Variants in AAMP observed in about 807,000 individuals in gnomAD.
AAMP encodes the protein angio-associated migratory cell protein.
In AAMP, 12 loss-of-function variants were observed where a neutral mutation model predicts 51.1. The observed-to-expected ratio is 0.23, with a 90% CI of 0.15 to 0.38. The LOEUF is 0.38. Among genes scored for constraint, AAMP ranks in the 10% least tolerant of loss-of-function variants. The pLI is 1.00. For synonymous variants in AAMP, 210 were observed against 218.7 expected (o/e 0.96, Z 0.35); for missense variants, 418 against 557.2 (o/e 0.75, Z 2.52).
rs143513606 is a variant in AAMP, at chr2:218,267,512, G to C, written c.376C>G (p.Leu126Val). 5 of 1,614,112 alleles carry C rather than the reference G, an allele frequency of 3.1e-6. No individual in the cohort carries two copies. The highest frequency in any genetic ancestry group is 3.3e-5 in the Admixed American group (2 of 60,024). The change falls in exon 3 of 11, where the codon CTG becomes GTG. Residue 126 changes from leucine (L) to valine (V), a missense_variant. By Grantham distance (32) the Leu-to-Val change is conservative. Coordinates refer to ENST00000248450, the MANE Select transcript of AAMP (RefSeq NM_001087.5). The surrounding 1 kb of genome is among the most constrained non-coding windows in gnomAD (Gnocchi z 4.6). Reference protein sequence around the residue: ...AFVWRLSDGELLFECAGHKDS... With the variant: ...AFVWRLSDGEVLFECAGHKDS... ...CCCTCACCTGCACACTCAAAGAGCA[G>C]CTCCCCATCGCTGAGCCGCCATACG...
rs1690566277 is a variant in AAMP, at chr2:218,264,374, G to C, written c.*159C>G. The C allele has an allele frequency of 1.4e-6, 1 of 720,194 alleles. No individual in the cohort carries two copies. The highest frequency in any genetic ancestry group is 2.4e-6 in the Non-Finnish European group (1 of 417,350). The allele number at this position is 720,194 out of a possible 1,614,324, so 44.6% of individuals were successfully genotyped here. On this transcript the variant is annotated 3_prime_UTR_variant, in exon 11 of 11. Coordinates refer to ENST00000248450, the MANE Select transcript of AAMP (RefSeq NM_001087.5). ...GGGCCCTGGGCTGGGTCTCTAAAGA[G>C]AAGAAAAGGAGAGGGGAGCAAGTCA...
intron 1 of AAMP, 108 bp from the exon 2 acceptor site, chr2:218,269,642 G>C (rs942977154): frequency 3.7e-5 from 59 of 1,573,752 alleles, no homozygotes; most frequent in Non-Finnish European, 4.9e-5. Context: ...GAGAAGGGAA[G>C]GTGGAGTCAG....
chr2:218,265,197 C>T lies in AAMP; in HGVS notation c.1075-23G>A. 1 of 1,571,990 alleles carries T rather than the reference C, an allele frequency of 6.4e-7. No homozygotes were observed. The highest frequency in any genetic ancestry group is 8.6e-7 in the Non-Finnish European group (1 of 1,158,970). On this transcript the variant is annotated intron_variant, in intron 9 of 10. Transcript: ENST00000248450. The surrounding 1 kb of genome is among the most constrained non-coding windows in gnomAD (Gnocchi z 6.6). ...CGACTGCCCCGAGGAATGACAGAGG[C>T]AGGGCGGAGGTTGGCAGGAGAGCTG...
chr2:218,265,631 C>G lies in AAMP; in HGVS notation c.931G>C (p.Glu311Gln). Residue 311 changes from glutamate to glutamine, a missense_variant, in exon 8 of 11, where the codon GAA (glutamate) becomes CAA (glutamine). Glu to Gln is a conservative substitution (Grantham distance 29, BLOSUM62 2). Transcript: ENST00000248450. This position sits in a 1 kb window ranked among gnomAD's most constrained non-coding sequence, Gnocchi z 6.6. ...GAGTTGGACTCACTCTCCTCCCCTT[C>G]TCCCAGGCTGGGCTGGGAGGCCACA... ...ETVASQPSLG[E>Q]GEESESNSVE... 6.2e-7 allele frequency: 1 copy of G among 1,613,908 alleles called. No homozygotes were observed. The highest frequency in any genetic ancestry group is 1.1e-5 in the South Asian group (1 of 91,078).
Position 218,265,377 on chromosome 2 carries a change from C to A in AAMP, c.1068G>T (p.Gln356His). 6.4e-7 allele frequency: 1 copy of A among 1,558,210 alleles called. No individual in the cohort carries two copies. Among genetic ancestry groups the A allele is most frequent in the East Asian group, 2.4e-5 (1 of 41,834 alleles). Residue 356 changes from glutamine (Q) to histidine (H), a missense_variant, in exon 9 of 11, where the codon CAG becomes CAT. Gln to His is a conservative substitution (Grantham distance 24, BLOSUM62 0). Transcript: ENST00000248450. The surrounding 1 kb of genome is among the most constrained non-coding windows in gnomAD (Gnocchi z 6.6). ...CAGCTCCAGCTGCCCATACCTGGTGCTGACACTGATGCCTAAGAGTCTGCG... is the reference window on the plus strand; with the variant it reads ...CAGCTCCAGCTGCCCATACCTGGTGATGACACTGATGCCTAAGAGTCTGCG... ...LATQTLRHQCQHQSGIVQLLW... is the reference protein window; with the variant it reads ...LATQTLRHQCHHQSGIVQLLW...
chr2:218,269,475 T>C lies in AAMP; in HGVS notation c.181A>G (p.Asn61Asp). Reference sequence around the variant, plus strand: ...GGTTCTAGAACCCAGCCCTCTTCGTTGCCCTCTTCCTCCTCTTCTTCCTCA... The same window carrying C: ...GGTTCTAGAACCCAGCCCTCTTCGTCGCCCTCTTCCTCCTCTTCTTCCTCA... ...DFEEEEEEEG[N>D]EEGWVLEPQE... The change falls in exon 2 of 11, where the codon AAC becomes GAC. Residue 61 changes from asparagine to aspartate, a missense_variant. By Grantham distance (23) the Asn-to-Asp change is conservative. Transcript: ENST00000248450. 1 of 1,614,194 alleles carries C rather than the reference T, an allele frequency of 6.2e-7. No homozygotes were observed. The highest frequency in any genetic ancestry group is 8.5e-7 in the Non-Finnish European group (1 of 1,180,028).
intron 1 of AAMP, 22 bp downstream of exon 1, chr2:218,269,944 C>A: frequency 6.2e-7 from 1 of 1,613,908 alleles, no homozygotes; most frequent in East Asian, 2.2e-5. Flanking sequence ...TGTCCCATGG[C>A]CTGAGGAGCG....
chr2:218,269,373 A>G lies in AAMP; in HGVS notation c.274+9T>C. On this transcript the variant is annotated intron_variant, in intron 2 of 10. Transcript: ENST00000248450. ...AACTGATTTGAGGTGGATCGCCTCA[A>G]AGACCTACCTGAGTGCAATGCAAAG... The G allele has an allele frequency of 1.2e-6, 2 of 1,613,714 alleles. No individual in the cohort carries two copies. Among genetic ancestry groups the G allele is most frequent in the South Asian group, 2.2e-5 (2 of 91,070 alleles).
Position 218,266,990 on chromosome 2 carries a change from C to A in AAMP, c.395-4G>T. ...CAAGTCACAGAGTCTTTATGGCCTT[C>A]AAAGAAAAGTGGGCAGAAAACAGAG... On this transcript the variant is annotated splice_region_variant and splice_polypyrimidine_tract_variant and intron_variant, in intron 3 of 10. Transcript: ENST00000248450. This position sits in a 1 kb window ranked among gnomAD's most constrained non-coding sequence, Gnocchi z 4.7. 6.2e-7 allele frequency: 1 copy of A among 1,612,040 alleles called. No homozygotes were observed. The highest frequency in any genetic ancestry group is 8.5e-7 in the Non-Finnish European group (1 of 1,178,430).
In AAMP at chr2:218,270,114, T is replaced by C. The variant is rs537541062; in HGVS notation, c.-28A>G. ...GGCGCAAGCGGCGGATCCACTTCTC[T>C]GGGCCCAAACGCCTCCCAGAGTCAG... On this transcript the variant is annotated 5_prime_UTR_variant, in exon 1 of 11. Coordinates refer to ENST00000248450, the MANE Select transcript of AAMP (RefSeq NM_001087.5). 4 of 1,612,226 alleles carry C rather than the reference T, an allele frequency of 2.5e-6. No individual in the cohort carries two copies. Among genetic ancestry groups the C allele is most frequent in the Admixed American group, 1.7e-5 (1 of 59,838 alleles).
Position 218,265,582 on chromosome 2 carries a change from C to T in AAMP, c.980G>A (p.Ser327Asn). Residue 327 changes from serine (S) to asparagine (N), a missense_variant, in exon 8 of 11, where the codon AGT becomes AAT. Transcript: ENST00000248450. The surrounding 1 kb of genome is among the most constrained non-coding windows in gnomAD (Gnocchi z 6.6). ...CCCTTTCCCCATCCTCACTCACACA[C>T]TGCAGAAGCCCAAGGACTCCACCGA... The part of the protein sequence containing the change: ...SNSVESLGFC[S>N]VMPLAAVGYL... 6.2e-7 allele frequency: 1 copy of T among 1,613,902 alleles called. No homozygotes were observed. Among genetic ancestry groups the T allele is most frequent in the Non-Finnish European group, 8.5e-7 (1 of 1,179,912 alleles).
In AAMP at chr2:218,267,387, A is replaced by G; in HGVS notation, c.394+107T>C. The stretch of plus-strand genomic sequence containing the variant: ...GGGCCCAGCACAGAGCTGGCACAAA[A>G]GAGATGTCACTAAGTGGCTGTTGGA... On this transcript the variant is annotated intron_variant, in intron 3 of 10. Transcript: ENST00000248450. This position sits in a 1 kb window ranked among gnomAD's most constrained non-coding sequence, Gnocchi z 4.6. The G allele has an allele frequency of 6.6e-7, 1 of 1,510,760 alleles. No individual in the cohort carries two copies. 93.6% of individuals were successfully genotyped at this position (1,510,760 alleles called of 1,614,324 possible).
intron 1 of AAMP, 183 bp from the exon 2 acceptor site, chr2:218,269,717 T>C: frequency 8.8e-7 from 1 of 1,131,406 alleles, no homozygotes; most frequent in Non-Finnish European, 1.3e-6. Context: ...CCAGAGACCG[T>C]GCGGTAAGGG....
chr2:218,268,336 C>T (rs1690684059), intron 2 of AAMP, among the ~76,000 whole-genome samples: 1 of 150,876 alleles, frequency 6.6e-6, no homozygotes, highest in Admixed American at 6.6e-5. Context: ...ATAATTATCT[C>T]TCATTTTATT....
At chr2:218,269,311 G>T (rs914568527) in intron 2 of AAMP, 71 bp downstream of exon 2, 1 of 1,588,072 alleles carries the variant, frequency 6.3e-7, no homozygotes, top group Non-Finnish European at 8.6e-7. Flanking sequence ...ATAACGTTCT[G>T]TCCATGGCTG....
At chr2:218,268,583 CCA>C (rs1420767428) in intron 2 of AAMP, among the ~76,000 whole-genome samples, 3 of 151,678 alleles carry the variant, frequency 2.0e-5, no homozygotes, top group Non-Finnish European at 4.4e-5. Context: ...CTCAGGTGAT[CCA>C]CCCGCCTTGG....
chr2:218,267,678 A>G lies in AAMP; in HGVS notation c.275-65T>C, dbSNP rs1171855969. On this transcript the variant is annotated intron_variant, in intron 2 of 10. Transcript: ENST00000248450. The surrounding 1 kb of genome is among the most constrained non-coding windows in gnomAD (Gnocchi z 4.6). ...CCCACCTAGGGCTCTGTCCTTCACA[A>G]TCTTCAGGAAACCCACCCCCTTTCA... is the stretch of plus-strand genomic sequence containing the variant. 2.5e-6 allele frequency: 4 copies of G among 1,589,476 alleles called. No individual in the cohort carries two copies. The highest frequency in any genetic ancestry group is 1.1e-5 in the South Asian group (1 of 90,140).
chr2:218,269,790 AC>A, intron 1 of AAMP, 175 bp downstream of exon 1: 3 of 1,101,618 alleles, frequency 2.7e-6, no homozygotes, highest in Non-Finnish European at 2.6e-6. Context: ...GCGTCAGGGA[AC>A]CCCCACCCCA....
chr2:218,270,010 T>C lies in AAMP; in HGVS notation c.77A>G (p.Glu26Gly). 1.2e-6 allele frequency: 2 copies of C among 1,614,042 alleles called. No individual in the cohort carries two copies. The highest frequency in any genetic ancestry group is 1.7e-5 in the Admixed American group (1 of 60,024). The change falls in exon 1 of 11, where the codon GAG becomes GGG. Residue 26 changes from glutamate to glycine, a missense_variant. By Grantham distance (98) the Glu-to-Gly change is moderately conservative. Coordinates refer to ENST00000248450, the MANE Select transcript of AAMP (RefSeq NM_001087.5). Reference sequence around the variant, plus strand: ...ATCAAGTTCTACCACCTCGATAATCTCTTCATCACCATGGAAGCTTAGGGT... The same window carrying C: ...ATCAAGTTCTACCACCTCGATAATCCCTTCATCACCATGGAAGCTTAGGGT... The part of the protein sequence containing the change: ...LETLSFHGDE[E>G]IIEVVELDPG...
Sources: allele counts gnomAD v4.1 joint callset (sites outside exome capture counted in the v4.1 genomes callset), GRCh38; gene constraint gnomAD v4.1.1; non-coding constraint Gnocchi (gnomAD v3.1); transcripts MANE v1.5; gene names NCBI Gene and HGNC (gene_info 2026-07-23, HGNC 2026-07-21).